The following CPA6 variants were observed in gnomAD, a reference collection of about 807,000 sequenced individuals.
The protein encoded by CPA6 is carboxypeptidase A6.
A neutral mutation model predicts 63.3 loss-of-function variants in CPA6; 58 were observed. The ratio of observed to expected loss-of-function variants is 0.92; its 90% confidence interval spans 0.74 to 1.14. The LOEUF is 1.14. Among genes scored for constraint, CPA6 ranks in the 50% most tolerant of loss-of-function variants. The pLI is 0.00. For missense variants in CPA6, 565 were observed against 526.6 expected (o/e 1.07, Z -0.71); for synonymous variants, 185 against 179.0 (o/e 1.03, Z -0.27).
Position 67,484,787 on chromosome 8 carries a change from A to G in CPA6, c.639T>C (p.Ala213=), listed in dbSNP as rs1811441432. 7 of 1,548,412 alleles carry G rather than the reference A, an allele frequency of 4.5e-6. No homozygotes were observed. The highest frequency in any genetic ancestry group is 1.7e-4 in the Middle Eastern group (1 of 5,890). ...CTGGGTCACTCTTATATGTTAGAAG[A>G]GCCTAAAAGACAAAGGTGAGATTTT... ...PAFCQWFVKE[A]LLTYKSDPAM... is the part of the protein sequence containing the mutation. Residue 213 remains alanine, a splice_region_variant and synonymous_variant, in exon 7 of 11, where the codon GCT becomes GCC. Coordinates refer to ENST00000297770, the MANE Select transcript of CPA6 (RefSeq NM_020361.5).
At chr8:67,504,100 AAC>A (rs1239388502) in intron 6 of CPA6, among the ~76,000 whole-genome samples, 1 of 152,222 alleles carries the variant, frequency 6.6e-6, no homozygotes, top group African/African-American at 2.4e-5. Context: ...ACATTAAGAT[AAC>A]ACAGACAGTA....
chr8:67,667,903 A>G (rs937431314), intron 1 of CPA6, among the ~76,000 whole-genome samples: 2 of 152,252 alleles, frequency 1.3e-5, no homozygotes, highest in African/African-American at 4.8e-5. Context: ...CTAGCCTTCC[A>G]GGCTGCTGGG....
At chr8:67,542,834 G>T (rs1195669411) in intron 2 of CPA6, among the ~76,000 whole-genome samples, 2 of 152,106 alleles carry the variant, frequency 1.3e-5, no homozygotes, top group African/African-American at 4.8e-5. Context: ...GCTGTGCCTT[G>T]GAAGTCCCCT....
chr8:67,690,860 C>T (rs1302954282), intron 1 of CPA6, among the ~76,000 whole-genome samples: 1 of 152,096 alleles, frequency 6.6e-6, no homozygotes, highest in Non-Finnish European at 1.5e-5. Context: ...CAATGAAATG[C>T]CAATGAATAC....
chr8:67,510,090 CT>C (rs1441333844), intron 4 of CPA6, among the ~76,000 whole-genome samples: 7 of 152,136 alleles, frequency 4.6e-5, no homozygotes, highest in Non-Finnish European at 1.0e-4. Context: ...AAGGCATTAT[CT>C]TTTTCCATTT....
intron 1 of CPA6, among the ~76,000 whole-genome samples, chr8:67,706,577 A>C (rs1817140273): frequency 6.6e-6 from 1 of 152,168 alleles, no homozygotes; most frequent in South Asian, 2.1e-4. Context: ...CAAGTTGTGG[A>C]AGGTTTGTGA....
At chr8:67,607,242 TCTTCTTCTTCTC>T (rs1564021482) in intron 2 of CPA6, among the ~76,000 whole-genome samples, 6 of 89,580 alleles carry the variant, frequency 6.7e-5, no homozygotes, top group Non-Finnish European at 9.6e-5. Flanking sequence ...TTCTTCTTCT[TCTTCTTCTTCTC>T]CTCCTCCTCC....
Position 67,624,178 on chromosome 8 carries a change from T to G in CPA6, c.190A>C (p.Lys64Gln), listed in dbSNP as rs998666598. 3.9e-6 allele frequency: 6 copies of G among 1,539,338 alleles called. No homozygotes were observed. The highest frequency in any genetic ancestry group is 5.4e-6 in the Non-Finnish European group (6 of 1,114,692). The change falls in exon 2 of 11, where the codon AAG becomes CAG. Residue 64 changes from lysine to glutamine, a missense_variant and splice_region_variant. Lys to Gln is a moderately conservative substitution (Grantham distance 53, BLOSUM62 1). Coordinates refer to ENST00000297770, the MANE Select transcript of CPA6 (RefSeq NM_020361.5). ...YALKKISYQL[K>Q]VDLWQPSSIS... ...TAAGTGTGTAGATGTTCTATTACCTTAAGTTGATAGGATATTTTCTTCAGT... is the reference window on the plus strand; with the variant it reads ...TAAGTGTGTAGATGTTCTATTACCTGAAGTTGATAGGATATTTTCTTCAGT...
At chr8:67,481,200 C>G (rs1229650195) in intron 8 of CPA6, among the ~76,000 whole-genome samples, 1 of 152,180 alleles carries the variant, frequency 6.6e-6, no homozygotes, top group Non-Finnish European at 1.5e-5. Flanking sequence ...TTACCTTTCT[C>G]CTCGATTTGT....
chr8:67,547,802 T>C (rs1469321247), intron 2 of CPA6, among the ~76,000 whole-genome samples: 3 of 152,184 alleles, frequency 2.0e-5, no homozygotes, highest in African/African-American at 7.2e-5. Context: ...CCCCACGAAT[T>C]ATAGTCTTAT....
At chr8:67,619,629 C>G (rs1172838494) in intron 2 of CPA6, among the ~76,000 whole-genome samples, 2 of 152,208 alleles carry the variant, frequency 1.3e-5, no homozygotes, top group African/African-American at 4.8e-5. Flanking sequence ...TGGCACTGGA[C>G]CTTTCTGCCC....
intron 2 of CPA6, among the ~76,000 whole-genome samples, chr8:67,525,989 C>T: frequency 6.6e-6 from 1 of 152,070 alleles, no homozygotes; most frequent in East Asian, 1.9e-4. Context: ...ATCCATGTAA[C>T]AAAACTGTAA....
intron 2 of CPA6, among the ~76,000 whole-genome samples, chr8:67,540,073 A>G (rs113682820): frequency 3.9e-5 from 6 of 152,214 alleles, no homozygotes; most frequent in Admixed American, 6.5e-5. Context: ...TTGGAGGAGA[A>G]GAGGCATTCT....
At chr8:67,693,590 C>G (rs1406126248) in intron 1 of CPA6, among the ~76,000 whole-genome samples, 4 of 152,124 alleles carry the variant, frequency 2.6e-5, no homozygotes, top group African/African-American at 9.7e-5. Flanking sequence ...AGGCAGAGGC[C>G]CCACGAATGG....
At chr8:67,692,585 T>G (rs1185991465) in intron 1 of CPA6, among the ~76,000 whole-genome samples, 1 of 152,240 alleles carries the variant, frequency 6.6e-6, no homozygotes, top group East Asian at 1.9e-4. Flanking sequence ...CTTGCTATAA[T>G]CTATTATGTG....
chr8:67,466,084 GT>G (rs561313512), intron 8 of CPA6, among the ~76,000 whole-genome samples: 1,510 of 96,090 alleles, frequency 0.016, 15 homozygotes, highest in African/African-American at 0.049. Context: ...TCTGAGGCTT[GT>G]TTTTTTTTTT....
intron 1 of CPA6, among the ~76,000 whole-genome samples, chr8:67,648,356 T>A (rs964003474): frequency 2.0e-5 from 3 of 151,054 alleles, no homozygotes; most frequent in Non-Finnish European, 4.4e-5. Context: ...CAAAATCCTT[T>A]GAGGAATGAG....
At chr8:67,701,446 G>A (rs956999474) in intron 1 of CPA6, among the ~76,000 whole-genome samples, 3 of 152,158 alleles carry the variant, frequency 2.0e-5, no homozygotes, top group African/African-American at 7.2e-5. Flanking sequence ...GTTTTGAAGG[G>A]ACAGATACAC....
At chr8:67,536,178 G>A (rs1000609821) in intron 2 of CPA6, among the ~76,000 whole-genome samples, 1 of 152,090 alleles carries the variant, frequency 6.6e-6, no homozygotes, top group African/African-American at 2.4e-5. Flanking sequence ...TGGTTGTGTG[G>A]GCTCTTTTTT....
Sources: allele counts gnomAD v4.1 joint callset (sites outside exome capture counted in the v4.1 genomes callset), GRCh38; gene constraint gnomAD v4.1.1; transcripts MANE v1.5; gene names NCBI Gene and HGNC (gene_info 2026-07-23, HGNC 2026-07-21).